RSU1: variants seen among roughly 807,000 people sequenced by gnomAD.
RSU1 encodes the protein Ras suppressor protein 1, also known as rsu-1.
Under a neutral mutation model 31.1 loss-of-function variants are expected in RSU1, and 26 were observed. The ratio of observed to expected loss-of-function variants is 0.84; its 90% confidence interval spans 0.61 to 1.16. The LOEUF is 1.16. Among genes scored for constraint, RSU1 ranks in the 50% most tolerant of loss-of-function variants. The probability of loss-of-function intolerance (pLI) is 0.00; values close to 1 mark genes in which losing one functional copy is unlikely to be tolerated. For missense variants in RSU1, 320 were observed against 339.1 expected, an observed-to-expected ratio of 0.94 and a Z score of 0.44; for synonymous variants, 164 against 136.3, an observed-to-expected ratio of 1.20 and a Z score of -1.41.
intron 8 of RSU1, among the ~76,000 whole-genome samples, chr10:16,626,108 C>T (rs945376603): frequency 1.3e-4 from 20 of 151,348 alleles, no homozygotes; most frequent in Non-Finnish European, 7.4e-5. Flanking sequence ...GCCAATGATG[C>T]GATCAGGACT....
At chr10:16,712,968 T>G (rs973705700) in intron 7 of RSU1, among the ~76,000 whole-genome samples, 24 of 152,288 alleles carry the variant, frequency 1.6e-4, no homozygotes, top group African/African-American at 5.5e-4. Flanking sequence ...TTGTTGGATA[T>G]AATATTCTTG....
At chr10:16,779,431 C>T (rs943938584) in intron 3 of RSU1, among the ~76,000 whole-genome samples, 3 of 152,166 alleles carry the variant, frequency 2.0e-5, no homozygotes, top group African/African-American at 4.8e-5. Flanking sequence ...AAGTCAACCA[C>T]GTGCCACACT....
At chr10:16,628,874 C>T (rs976565164) in intron 8 of RSU1, among the ~76,000 whole-genome samples, 3 of 152,094 alleles carry the variant, frequency 2.0e-5, no homozygotes, top group Non-Finnish European at 4.4e-5. Flanking sequence ...TCTTCTCCAA[C>T]GGTGGGAAAA....
intron 7 of RSU1, among the ~76,000 whole-genome samples, chr10:16,711,290 GTTT>G (rs984122885): frequency 6.6e-6 from 1 of 151,188 alleles, no homozygotes; most frequent in African/African-American, 2.4e-5. Context: ...CTTGAGTCTT[GTTT>G]TTTTTAGTCT....
chr10:16,783,074 C>G (rs1415011832), intron 2 of RSU1, among the ~76,000 whole-genome samples: 1 of 151,958 alleles, frequency 6.6e-6, no homozygotes, highest in Non-Finnish European at 1.5e-5. Flanking sequence ...CCATGCCCGG[C>G]TAATTTTGTA....
At chr10:16,660,834 A>G (rs941449994) in intron 8 of RSU1, among the ~76,000 whole-genome samples, 22 of 151,550 alleles carry the variant, frequency 1.5e-4, no homozygotes, top group African/African-American at 5.3e-4. Context: ...TTTAGTAGAG[A>G]TGGGGTTTCA....
intron 8 of RSU1, among the ~76,000 whole-genome samples, chr10:16,661,140 T>A (rs1253133829): frequency 6.6e-6 from 1 of 152,234 alleles, no homozygotes; most frequent in Non-Finnish European, 1.5e-5. Context: ...ATATGCAGTA[T>A]TCTGCACCCC....
At chr10:16,598,693 T>C (rs1833661783) in intron 8 of RSU1, among the ~76,000 whole-genome samples, 1 of 152,236 alleles carries the variant, frequency 6.6e-6, no homozygotes, top group Non-Finnish European at 1.5e-5. Flanking sequence ...AAGGAAATGC[T>C]CTTCCCTAGA....
rs137902427 is a variant in RSU1, at chr10:16,719,028, C to T, written c.599-23873G>A. 1.1e-3 allele frequency among the ~76,000 whole-genome samples: 164 copies of T among 151,276 alleles called. 5 individuals carry two copies. In the South Asian group the frequency reaches 0.024, roughly 23 times the overall value. ...ATGTTGGCTGGGCGTAAGGCTCATG[C>T]CTGTAATCCCAACACTTTGAGAGGC... On this transcript the variant is annotated intron_variant, in intron 7 of 8. Transcript: ENST00000345264.
intron 2 of RSU1, among the ~76,000 whole-genome samples, chr10:16,802,315 T>C (rs918537560): frequency 7.2e-5 from 11 of 152,036 alleles, no homozygotes; most frequent in Admixed American, 3.3e-4. Flanking sequence ...CCAAAAATGT[T>C]ATAACTTAGA....
At chr10:16,717,716 C>T (rs891633703) in intron 7 of RSU1, among the ~76,000 whole-genome samples, 3 of 152,098 alleles carry the variant, frequency 2.0e-5, no homozygotes, top group Admixed American at 6.6e-5. Flanking sequence ...AACTGTTGTA[C>T]TTCAAAAATT....
chr10:16,637,296 TAGAC>T (rs903389587), intron 8 of RSU1, among the ~76,000 whole-genome samples: 12 of 152,136 alleles, frequency 7.9e-5, no homozygotes, highest in African/African-American at 2.9e-4. Flanking sequence ...GTAAACTAGT[TAGAC>T]AGGAGGGATC....
At chr10:16,797,348 A>G (rs1386057352) in intron 2 of RSU1, among the ~76,000 whole-genome samples, 5 of 152,256 alleles carry the variant, frequency 3.3e-5, no homozygotes, top group Non-Finnish European at 7.3e-5. Context: ...GACTGAACCA[A>G]GTCATCTGAA....
chr10:16,629,099 C>A (rs758114930), intron 8 of RSU1, among the ~76,000 whole-genome samples: 7 of 152,166 alleles, frequency 4.6e-5, no homozygotes, highest in Non-Finnish European at 8.8e-5. Context: ...AGCTTGGAGT[C>A]TGCCTGGGAG....
At chr10:16,694,911 G>A in intron 8 of RSU1, 112 bp downstream of exon 8, 1 of 977,940 alleles carries the variant, frequency 1.0e-6, no homozygotes, top group Non-Finnish European at 1.5e-6. Flanking sequence ...ATCTTAAAAT[G>A]CTAAGTGCTA....
chr10:16,608,798 AC>A (rs1453176144), intron 8 of RSU1, among the ~76,000 whole-genome samples: 1 of 152,020 alleles, frequency 6.6e-6, no homozygotes, highest in Non-Finnish European at 1.5e-5. Context: ...TTAAAAAAAT[AC>A]TTGTAGCCCT....
intron 2 of RSU1, among the ~76,000 whole-genome samples, chr10:16,797,249 AG>A (rs1041355930): frequency 3.9e-5 from 6 of 152,220 alleles, no homozygotes; most frequent in Non-Finnish European, 8.8e-5. Context: ...CTACTCCACA[AG>A]GAGCAGTAAG....
chr10:16,738,398 C>A (rs1447086440), intron 7 of RSU1, among the ~76,000 whole-genome samples: 1 of 152,078 alleles, frequency 6.6e-6, no homozygotes, highest in Non-Finnish European at 1.5e-5. Context: ...ATGCAGTGAG[C>A]CGAGATAGCG....
chr10:16,718,952 G>A (rs1564330732), intron 7 of RSU1, among the ~76,000 whole-genome samples: 1 of 147,300 alleles, frequency 6.8e-6, no homozygotes, highest in Non-Finnish European at 1.5e-5. Context: ...GTGCACTCCA[G>A]CCTGGGCAAC....
Sources: gnomAD v4.1 joint callset for allele counts (sites outside exome capture counted in the v4.1 genomes callset) on GRCh38, gnomAD v4.1.1 for gene constraint, MANE v1.5 for transcripts, NCBI Gene and HGNC (gene_info 2026-07-23, HGNC 2026-07-21) for gene names.